GLRA2: variants seen among roughly 807,000 people sequenced by gnomAD.
GLRA2 encodes the protein glycine receptor alpha 2.
A neutral mutation model predicts 31.6 loss-of-function variants in GLRA2; 11 were observed. The ratio of observed to expected loss-of-function variants is 0.35; its 90% CI spans 0.22 to 0.58. The LOEUF is 0.58. GLRA2 is among the 20% of genes least tolerant of loss of function. The probability of loss-of-function intolerance (pLI) is 0.84; values close to 1 mark genes in which losing one functional copy is unlikely to be tolerated. For synonymous variants in GLRA2, 132 were observed against 134.0 expected, an observed-to-expected ratio of 0.99 and a Z score of 0.10; for missense variants, 212 against 351.8, an observed-to-expected ratio of 0.60 and a Z score of 3.18.
At chrX:14,684,475 T>G (rs1271874221) in intron 7 of GLRA2, among the ~76,000 whole-genome samples, 1 of 111,767 alleles carries the variant, frequency 8.9e-6, no homozygotes, top group South Asian at 3.7e-4. Context: ...CATTTGTTTG[T>G]GTCCTCTTTT....
chrX:14,635,241 G>A (rs2090698189), intron 7 of GLRA2, among the ~76,000 whole-genome samples: 1 of 111,882 alleles, frequency 8.9e-6, no homozygotes, highest in Non-Finnish European at 1.9e-5. Context: ...TTTTTAAAAT[G>A]TATAATGTTT....
intron 2 of GLRA2, among the ~76,000 whole-genome samples, chrX:14,564,907 CA>C (rs1347044504): frequency 9.4e-6 from 1 of 105,908 alleles, no homozygotes; most frequent in Non-Finnish European, 2.0e-5. Flanking sequence ...AAAGTTAACA[CA>C]AAAGGAAATG....
intron 4 of GLRA2, among the ~76,000 whole-genome samples, chrX:14,586,120 C>T (rs2090077729): frequency 9.0e-6 from 1 of 111,310 alleles, no homozygotes; most frequent in African/African-American, 3.3e-5. Context: ...GCACGATCAC[C>T]TTTCCTAATA....
intron 4 of GLRA2, among the ~76,000 whole-genome samples, chrX:14,588,597 G>GTT (rs1176882177): frequency 9.1e-6 from 1 of 110,262 alleles, no homozygotes; most frequent in Non-Finnish European, 1.9e-5. Flanking sequence ...TTTTAGAATA[G>GTT]TTTTTTTTTC....
intron 7 of GLRA2, among the ~76,000 whole-genome samples, chrX:14,641,601 T>C (rs1288852492): frequency 9.0e-6 from 1 of 111,683 alleles, no homozygotes; most frequent in Non-Finnish European, 1.9e-5. Flanking sequence ...TAGACCTACA[T>C]GAAGCTCTTT....
intron 2 of GLRA2, among the ~76,000 whole-genome samples, chrX:14,547,161 A>T (rs2089493423): frequency 9.0e-6 from 1 of 111,465 alleles, no homozygotes. Flanking sequence ...TAATAAATAG[A>T]TCCTAAAGGA....
intron 2 of GLRA2, among the ~76,000 whole-genome samples, chrX:14,557,408 C>A (rs1398214245): frequency 1.8e-5 from 2 of 111,281 alleles, no homozygotes; most frequent in African/African-American, 6.5e-5. Context: ...AGCCACTGTG[C>A]CCGGCCCACC....
intron 8 of GLRA2, among the ~76,000 whole-genome samples, chrX:14,726,507 A>G (rs1169677748): frequency 8.9e-6 from 1 of 112,582 alleles, no homozygotes; most frequent in African/African-American, 3.2e-5. Context: ...AGCTATAACT[A>G]TGCTCAGAAG....
the GLRA2 span, among the ~76,000 whole-genome samples, chrX:14,519,046 A>C: frequency 9.4e-6 from 1 of 106,619 alleles, no homozygotes. Context: ...GAGATCAGGT[A>C]ATAGATTACC....
At chrX:14,608,300 CT>C (rs2090359753) in intron 6 of GLRA2, among the ~76,000 whole-genome samples, 1 of 111,364 alleles carries the variant, frequency 9.0e-6, no homozygotes, top group African/African-American at 3.3e-5. Context: ...ATATGAACTC[CT>C]TTTTACAGGT....
At chrX:14,580,551 A>G (rs2090005678) in intron 3 of GLRA2, among the ~76,000 whole-genome samples, 1 of 112,274 alleles carries the variant, frequency 8.9e-6, no homozygotes, top group South Asian at 3.7e-4. Context: ...AGAACGTGAA[A>G]CATCTCTGGA....
intron 7 of GLRA2, among the ~76,000 whole-genome samples, chrX:14,626,451 C>T (rs1344202886): frequency 1.8e-5 from 2 of 111,870 alleles, no homozygotes; most frequent in Non-Finnish European, 3.8e-5. Flanking sequence ...GCAATGCTTG[C>T]CTGATTGCCC....
chrX:14,461,683 G>T, the GLRA2 span, among the ~76,000 whole-genome samples: 1 of 110,736 alleles, frequency 9.0e-6, no homozygotes, highest in Admixed American at 9.6e-5. Context: ...CTGCTTTTTT[G>T]TGCTTTCCAT....
At chrX:14,707,606 G>A (rs1257794241) in intron 8 of GLRA2, among the ~76,000 whole-genome samples, 1 of 91,635 alleles carries the variant, frequency 1.1e-5, no homozygotes, top group Non-Finnish European at 2.1e-5. Context: ...CAACAACAAA[G>A]AAAATATCAT....
Position 14,725,863 on chromosome X carries a change from A to G in GLRA2, c.1081-4344A>G, listed in dbSNP as rs751848540. On this transcript the variant is annotated intron_variant, in intron 8 of 8. Coordinates refer to ENST00000218075, the MANE Select transcript of GLRA2 (RefSeq NM_002063.4). ...GTGCTTTATACAGCAGACGGGATTA[A>G]GGAGATCTTATCAAAGTGCGATATA... Among the ~76,000 whole-genome samples the G allele has an allele frequency of 4.4e-5, 5 of 112,566 alleles. No individual in the cohort carries two copies. The Admixed American group carries it at 4.7e-4, about 11-fold the overall frequency.
chrX:14,622,151 A>C (rs2090527863), intron 7 of GLRA2, among the ~76,000 whole-genome samples: 1 of 112,114 alleles, frequency 8.9e-6, no homozygotes, highest in African/African-American at 3.2e-5. Flanking sequence ...TGGCTGCATA[A>C]ATGTCTTCTT....
chrX:14,463,829 G>A, the GLRA2 span, among the ~76,000 whole-genome samples: 1 of 111,735 alleles, frequency 8.9e-6, no homozygotes, highest in South Asian at 3.8e-4. Flanking sequence ...GTGCTTCCCG[G>A]TGAGGCAATG....
At chrX:14,553,490 C>T (rs1400102047) in intron 2 of GLRA2, among the ~76,000 whole-genome samples, 1 of 111,560 alleles carries the variant, frequency 9.0e-6, no homozygotes, top group Non-Finnish European at 1.9e-5. Flanking sequence ...TTAGTCTAAT[C>T]CATGTCTTTC....
intron 7 of GLRA2, among the ~76,000 whole-genome samples, chrX:14,676,057 T>C: frequency 8.9e-6 from 1 of 112,337 alleles, no homozygotes; most frequent in Non-Finnish European, 1.9e-5. Context: ...CAGAAACACA[T>C]CTCAGGCTAC....
Sources: gnomAD v4.1 joint callset for allele counts (sites outside exome capture counted in the v4.1 genomes callset) on GRCh38, gnomAD v4.1.1 for gene constraint, MANE v1.5 for transcripts, NCBI Gene and HGNC (gene_info 2026-07-23, HGNC 2026-07-21) for gene names.